The following TMEM163 variants were observed in gnomAD, a reference collection of about 807,000 sequenced individuals.
The protein encoded by TMEM163 is transmembrane protein 163.
TMEM163 carries 17 observed loss-of-function variants against 29.3 expected under a neutral mutation model. The observed-to-expected ratio is 0.58, with a 90% CI of 0.40 to 0.87. The LOEUF is 0.87. TMEM163 is among the 40% of genes least tolerant of loss of function. The pLI, the probability that TMEM163 is intolerant of heterozygous loss-of-function variation, is 0.00. For synonymous variants in TMEM163, 157 were observed against 160.6 expected, an observed-to-expected ratio of 0.98 and a Z score of 0.17; for missense variants, 303 against 381.5, an observed-to-expected ratio of 0.79 and a Z score of 1.71.
chr2:134,648,922 A>G (rs1170583418), intron 2 of TMEM163, among the ~76,000 whole-genome samples: 1 of 152,208 alleles, frequency 6.6e-6, no homozygotes, highest in Non-Finnish European at 1.5e-5. Flanking sequence ...GCTCACGGCT[A>G]AAAACTTCCC....
intron 4 of TMEM163, among the ~76,000 whole-genome samples, chr2:134,511,289 G>A (rs888574053): frequency 2.0e-5 from 3 of 152,158 alleles, no homozygotes; most frequent in African/African-American, 7.2e-5. Context: ...GAGGGACAGT[G>A]AGTGCAAAGG....
rs79730588 is a variant in TMEM163 at position 134,558,915 on chromosome 2, C to T, written c.323-6824G>A. Reference sequence around the variant, plus strand: ...TACTTTAATTGGACAGCCTCTATTACACAGGGGCCTGGCAACAACCTCACC... The same window carrying T: ...TACTTTAATTGGACAGCCTCTATTATACAGGGGCCTGGCAACAACCTCACC... On this transcript the variant is annotated intron_variant, in intron 2 of 7. Transcript: ENST00000281924. 5.9e-3 allele frequency among the ~76,000 whole-genome samples: 893 copies of T among 152,322 alleles called. 9 individuals are homozygous for T. Among genetic ancestry groups the T allele is most frequent in the African/African-American group, 0.02 (829 of 41,564 alleles).
intron 2 of TMEM163, among the ~76,000 whole-genome samples, chr2:134,570,507 T>TATACATATACATATACAC (rs1553481946): frequency 1.6e-5 from 2 of 127,086 alleles, no homozygotes; most frequent in African/African-American, 5.9e-5. Flanking sequence ...TACATATACA[T>TATACATATACATATACAC]ATACATATAC....
rs1186907754 is a variant in TMEM163, at chr2:134,550,721, G to A, written c.367-60C>T. 12 of 1,496,780 alleles carry A rather than the reference G, an allele frequency of 8.0e-6. No homozygotes were observed. The South Asian group carries it at 1.0e-4, about 13-fold the overall frequency. The allele number at this position is 1,496,780 out of a possible 1,614,324, so 92.7% of individuals were successfully genotyped here. A position where few individuals can be genotyped will look rare whatever the true frequency, so the allele number is the denominator to read the frequency against. On this transcript the variant is annotated intron_variant, in intron 3 of 7. Coordinates refer to ENST00000281924, the MANE Select transcript of TMEM163 (RefSeq NM_030923.5). ...ACAGTTAATAGCACACAAATGTGAA[G>A]ACACAGGACAACTGTGCTGTGACTC...
chr2:134,642,429 C>A (rs1342769871), intron 2 of TMEM163, among the ~76,000 whole-genome samples: 1 of 152,142 alleles, frequency 6.6e-6, no homozygotes, highest in African/African-American at 2.4e-5. Flanking sequence ...CGCGAACGGC[C>A]ACCAATCCAT....
chr2:134,623,156 G>A (rs189197966), intron 2 of TMEM163, among the ~76,000 whole-genome samples: 1 of 152,078 alleles, frequency 6.6e-6, no homozygotes, highest in East Asian at 1.9e-4. Flanking sequence ...CCCTTCTAAA[G>A]GTTTCTGATG....
intron 4 of TMEM163, among the ~76,000 whole-genome samples, chr2:134,530,935 A>G (rs637429): frequency 0.39 from 58,718 of 152,006 alleles, 11,999 homozygotes; most frequent in East Asian, 0.56. Flanking sequence ...TATCAAGCTT[A>G]GGATTCAAGG....
intron 2 of TMEM163, among the ~76,000 whole-genome samples, chr2:134,625,111 T>A (rs1682818519): frequency 6.6e-6 from 1 of 152,128 alleles, no homozygotes; most frequent in African/African-American, 2.4e-5. Context: ...TGTGGGTACA[T>A]GCTTATCTGA....
chr2:134,486,418 C>A (rs967842601), intron 5 of TMEM163, among the ~76,000 whole-genome samples: 6 of 152,124 alleles, frequency 3.9e-5, no homozygotes, highest in African/African-American at 1.2e-4. Flanking sequence ...CGAGGACATA[C>A]AAACTTTGGG....
At chr2:134,458,266 T>C (rs530738190) in intron 6 of TMEM163, 93 bp from the exon 7 acceptor site, 33 of 1,490,948 alleles carry the variant, frequency 2.2e-5, no homozygotes, top group Non-Finnish European at 2.7e-5. Context: ...AACTGGAGCA[T>C]GTGCTGGGAG....
At chr2:134,561,481 G>A (rs1681181806) in intron 2 of TMEM163, among the ~76,000 whole-genome samples, 1 of 151,730 alleles carries the variant, frequency 6.6e-6, no homozygotes, top group African/African-American at 2.4e-5. Flanking sequence ...CGAGTAGCTG[G>A]GACTACAGGC....
At chr2:134,663,434 T>C (rs1226420826) in intron 2 of TMEM163, among the ~76,000 whole-genome samples, 1 of 152,174 alleles carries the variant, frequency 6.6e-6, no homozygotes, top group Non-Finnish European at 1.5e-5. Context: ...AAATCAAAGA[T>C]GATAAACCCT....
intron 2 of TMEM163, among the ~76,000 whole-genome samples, chr2:134,609,812 T>C (rs1682452504): frequency 8.3e-6 from 1 of 120,354 alleles, no homozygotes. Flanking sequence ...ACTGTACTGG[T>C]GAAAAGGAGG....
intron 2 of TMEM163, among the ~76,000 whole-genome samples, chr2:134,641,460 A>G (rs1683217775): frequency 6.6e-6 from 1 of 152,226 alleles, no homozygotes; most frequent in Admixed American, 6.5e-5. Context: ...CATAGAAAGC[A>G]ATACCATTCA....
intron 2 of TMEM163, among the ~76,000 whole-genome samples, chr2:134,645,180 T>A (rs1683306671): frequency 6.6e-6 from 1 of 152,248 alleles, no homozygotes; most frequent in Non-Finnish European, 1.5e-5. Flanking sequence ...CAAAATGGTA[T>A]AACCAGTCTT....
chr2:134,481,318 T>C (rs1308031874), intron 5 of TMEM163, among the ~76,000 whole-genome samples: 2 of 147,842 alleles, frequency 1.4e-5, no homozygotes, highest in Non-Finnish European at 3.0e-5. Flanking sequence ...CATCTTGAAC[T>C]GTAACTACCA....
At chr2:134,644,253 A>T (rs1174663034) in intron 2 of TMEM163, among the ~76,000 whole-genome samples, 2 of 152,182 alleles carry the variant, frequency 1.3e-5, no homozygotes, top group Non-Finnish European at 2.9e-5. Flanking sequence ...CTAGATATAG[A>T]GGAGTTGATT....
At chr2:134,641,077 A>C (rs770745715) in intron 2 of TMEM163, among the ~76,000 whole-genome samples, 13 of 152,222 alleles carry the variant, frequency 8.5e-5, no homozygotes, top group Non-Finnish European at 8.8e-5. Context: ...AGCTACAAAA[A>C]CAAAAGGAAA....
chr2:134,589,037 G>C (rs1681882426), intron 2 of TMEM163, among the ~76,000 whole-genome samples: 1 of 152,174 alleles, frequency 6.6e-6, no homozygotes, highest in South Asian at 2.1e-4. Flanking sequence ...AATAGGAAGA[G>C]ACAAAGGTCA....
Sources: gnomAD v4.1 joint callset for allele counts (sites outside exome capture counted in the v4.1 genomes callset) on GRCh38, gnomAD v4.1.1 for gene constraint, MANE v1.5 for transcripts, NCBI Gene and HGNC (gene_info 2026-07-23, HGNC 2026-07-21) for gene names.